Variants in PPIL6 observed in about 807,000 individuals in gnomAD.
PPIL6 encodes probable inactive peptidyl-prolyl cis-trans isomerase-like 6.
PPIL6 carries 39 observed loss-of-function variants against 36.8 expected under a neutral mutation model. The observed-to-expected ratio is 1.06, with a 90% CI of 0.82 to 1.38. The LOEUF (loss-of-function observed/expected upper bound fraction) is 1.38. Ranked by LOEUF, PPIL6 falls within the 40% of genes most tolerant of loss-of-function variation. The pLI is 0.00. For synonymous variants in PPIL6, 123 were observed against 134.1 expected, an observed-to-expected ratio of 0.92 and a Z score of 0.57; for missense variants, 368 against 379.1, an observed-to-expected ratio of 0.97 and a Z score of 0.24.
intron 7 of PPIL6, among the ~76,000 whole-genome samples, chr6:109,397,480 G>A (rs1303573760): frequency 6.6e-6 from 1 of 152,160 alleles, no homozygotes; most frequent in South Asian, 2.1e-4. Context: ...TTGGCTATTT[G>A]ACCTTGTTTT....
At chr6:109,427,470 A>G (rs1233409310) in intron 3 of PPIL6, among the ~76,000 whole-genome samples, 1 of 151,970 alleles carries the variant, frequency 6.6e-6, no homozygotes, top group Non-Finnish European at 1.5e-5. Context: ...TGCAGCCTCA[A>G]CCTCCTGGGC....
chr6:109,423,999 T>C (rs893546385), intron 5 of PPIL6, among the ~76,000 whole-genome samples: 2 of 152,138 alleles, frequency 1.3e-5, no homozygotes, highest in Admixed American at 6.5e-5. Context: ...CCATGGAATT[T>C]AGAGAAACAG....
intron 3 of PPIL6, among the ~76,000 whole-genome samples, chr6:109,430,363 C>T (rs2115275284): frequency 6.6e-6 from 1 of 152,290 alleles, no homozygotes; most frequent in South Asian, 2.1e-4. Context: ...CATGACTATC[C>T]TCTGCCACTG....
At chr6:109,402,242 A>C (rs937513043) in intron 6 of PPIL6, among the ~76,000 whole-genome samples, 2 of 152,180 alleles carry the variant, frequency 1.3e-5, no homozygotes, top group Admixed American at 6.5e-5. Context: ...CAGTGCAAAA[A>C]GTGCCTAGAG....
chr6:109,433,920 C>A lies in PPIL6; in HGVS notation c.231+2184G>T, dbSNP rs145372342. ...CATGAGAAAGGCAGGAGGAAGAGAA[C>A]ACAAAACATCTTGAGGTAACCTAGG... is the stretch of plus-strand genomic sequence containing the variant. On this transcript the variant is annotated intron_variant, in intron 2 of 7. Coordinates refer to ENST00000521072, the MANE Select transcript of PPIL6 (RefSeq NM_173672.5). Among the ~76,000 whole-genome samples the A allele has an allele frequency of 7.2e-3, 1,088 of 152,124 alleles. 6 individuals carry two copies. The highest frequency in any genetic ancestry group is 0.024 in the Middle Eastern group (7 of 294).
chr6:109,397,462 C>A (rs1481965316), intron 7 of PPIL6, among the ~76,000 whole-genome samples: 1 of 152,208 alleles, frequency 6.6e-6, no homozygotes, highest in African/African-American at 2.4e-5. Context: ...CTCACTGTCA[C>A]ATAGCTATTG....
At chr6:109,401,378 A>T (rs1049055960) in intron 6 of PPIL6, among the ~76,000 whole-genome samples, 1 of 152,132 alleles carries the variant, frequency 6.6e-6, no homozygotes, top group African/African-American at 2.4e-5. Context: ...AATTCAGTGA[A>T]TTTTTTCATT....
intron 6 of PPIL6, 83 bp from the exon 7 acceptor site, chr6:109,400,253 C>A: frequency 9.7e-7 from 1 of 1,035,716 alleles, no homozygotes; most frequent in Non-Finnish European, 1.4e-6. Flanking sequence ...AAATAGAACC[C>A]TTGGTAACAC....
intron 1 of PPIL6, among the ~76,000 whole-genome samples, chr6:109,439,475 G>C (rs1774665221): frequency 6.6e-6 from 1 of 152,158 alleles, no homozygotes; most frequent in Non-Finnish European, 1.5e-5. Flanking sequence ...TTGTGCCTCA[G>C]CCTCCTGAGT....
intron 6 of PPIL6, among the ~76,000 whole-genome samples, chr6:109,415,078 G>A (rs1477466986): frequency 6.6e-6 from 1 of 152,180 alleles, no homozygotes; most frequent in Non-Finnish European, 1.5e-5. Context: ...AGGAAGAGAA[G>A]GAGTTGGTCT....
Position 109,431,360 on chromosome 6 carries a change from G to GAAAAAAA in PPIL6, c.232-16_232-15insTTTTTTT. The GAAAAAAA allele has an allele frequency of 1.1e-6, 1 of 878,928 alleles. No homozygotes were observed. The highest frequency in any genetic ancestry group is 1.5e-6 in the Non-Finnish European group (1 of 682,256). The allele number at this position is 878,928 out of a possible 1,614,324, so 54.4% of individuals were successfully genotyped here. A position where few individuals can be genotyped will look rare whatever the true frequency, so the allele number is the denominator to read the frequency against. On this transcript the variant is annotated splice_polypyrimidine_tract_variant and intron_variant, in intron 2 of 7. Transcript: ENST00000521072. ...TTTTTGAGTTCCTGTAAGGGAAAAG[G>GAAAAAAA]ACAAAAAAAAAAAAAAACGTAAGAA...
At chr6:109,438,917 G>C (rs529236481) in intron 1 of PPIL6, among the ~76,000 whole-genome samples, 1 of 152,312 alleles carries the variant, frequency 6.6e-6, no homozygotes, top group African/African-American at 2.4e-5. Flanking sequence ...CAAAAGAATT[G>C]TATTTCACGT....
chr6:109,415,767 A>G (rs1457928831), intron 6 of PPIL6, among the ~76,000 whole-genome samples: 1 of 152,100 alleles, frequency 6.6e-6, no homozygotes, highest in Non-Finnish European at 1.5e-5. Flanking sequence ...TCCTTTCCAT[A>G]GAGTACCATG....
intron 3 of PPIL6, among the ~76,000 whole-genome samples, chr6:109,428,330 C>A (rs1773934247): frequency 6.6e-6 from 1 of 152,038 alleles, no homozygotes. Flanking sequence ...GTGGGTGGAT[C>A]CCTTGAGCCC....
intron 5 of PPIL6, 41 bp from the exon 6 acceptor site, chr6:109,419,284 A>T: frequency 7.5e-7 from 1 of 1,333,472 alleles, no homozygotes; most frequent in South Asian, 1.2e-5. Flanking sequence ...TTTTGAGATG[A>T]AAAGATTTAG....
chr6:109,414,138 T>C (rs1773135542), intron 6 of PPIL6, among the ~76,000 whole-genome samples: 1 of 152,180 alleles, frequency 6.6e-6, no homozygotes, highest in South Asian at 2.1e-4. Flanking sequence ...GAATAACTGC[T>C]TGAGGAGATG....
intron 6 of PPIL6, among the ~76,000 whole-genome samples, chr6:109,400,536 T>TA (rs1330389244): frequency 6.6e-6 from 1 of 152,204 alleles, no homozygotes; most frequent in South Asian, 2.1e-4. Flanking sequence ...CCATACTCAT[T>TA]AAAAACACCT....
At position 109,391,247 on chromosome 6, in the gene PPIL6, C is replaced by A. The variant is rs1772087137; in HGVS notation, c.*1579G>T. 1 of 141,908 alleles carries A rather than the reference C, an allele frequency of 7.0e-6. No homozygotes were observed. The highest frequency in any genetic ancestry group is 2.2e-4 in the South Asian group (1 of 4,494). The allele number at this position is 141,908 out of a possible 1,614,324, so 8.8% of individuals were successfully genotyped here. On this transcript the variant is annotated 3_prime_UTR_variant, in exon 8 of 8. Transcript: ENST00000521072. ...AGCTTGCAGTGAGCCGAGATTGTGC[C>A]ACTGCACTCCAGCCTGGGCGACAGA... is the stretch of plus-strand genomic sequence containing the variant.
chr6:109,432,721 A>C (rs1003705873), intron 2 of PPIL6, among the ~76,000 whole-genome samples: 3 of 152,080 alleles, frequency 2.0e-5, no homozygotes, highest in African/African-American at 7.2e-5. Context: ...CAGCCTCCCA[A>C]AGTGTTGGGA....
Sources: gnomAD v4.1 joint callset for allele counts (sites outside exome capture counted in the v4.1 genomes callset) on GRCh38, gnomAD v4.1.1 for gene constraint, MANE v1.5 for transcripts, NCBI Gene and HGNC (gene_info 2026-07-23, HGNC 2026-07-21) for gene names.